GNG7: variants seen among roughly 807,000 people sequenced by gnomAD.
GNG7 encodes G protein subunit gamma 7, also known as guanine nucleotide-binding protein G(I)/G(S)/G(O) subunit gamma-7.
GNG7 carries 1 observed loss-of-function variant against 4.0 expected under a neutral mutation model. The observed-to-expected ratio is 0.25, with a 90% CI of 0.09 to 1.18. The LOEUF is 1.18. GNG7 is among the 50% of genes most tolerant of loss of function. The probability of loss-of-function intolerance (pLI) is 0.50; values close to 1 mark genes in which losing one functional copy is unlikely to be tolerated. For synonymous variants in GNG7, 34 were observed against 36.9 expected, an observed-to-expected ratio of 0.92 and a Z score of 0.29; for missense variants, 86 against 91.9, an observed-to-expected ratio of 0.94 and a Z score of 0.26.
intron 2 of GNG7, chr19:2,643,759 C>G: frequency 2.5e-6 from 1 of 406,432 alleles, no homozygotes; most frequent in Non-Finnish European, 4.9e-6. Context: ...AATCTTCAAG[C>G]GCACATGGTT....
chr19:2,666,369 C>T lies in GNG7; in HGVS notation c.-134-20089G>A, dbSNP rs576366407. ...TGTATTTTTAGTAGAGATGGGGTTT[C>T]GCCATGTCGGCCAGGCTGGTCTTAA... On this transcript the variant is annotated intron_variant, in intron 1 of 4. Transcript: ENST00000382159. Among the ~76,000 whole-genome samples, 295 of 152,172 alleles carry T rather than the reference C, an allele frequency of 1.9e-3. 1 individual carries two copies. Among genetic ancestry groups the T allele is most frequent in the Non-Finnish European group, 3.7e-3 (252 of 67,986 alleles).
intron 1 of GNG7, among the ~76,000 whole-genome samples, chr19:2,656,729 C>T (rs1982985522): frequency 6.6e-6 from 1 of 152,144 alleles, no homozygotes; most frequent in South Asian, 2.1e-4. Context: ...ACTTACATAT[C>T]ATCCATGGCT....
At chr19:2,552,873 C>G (rs562147455) in intron 3 of GNG7, among the ~76,000 whole-genome samples, 1 of 142,106 alleles carries the variant, frequency 7.0e-6, no homozygotes, top group African/African-American at 2.6e-5. Flanking sequence ...TCCCCACTGT[C>G]TGTGGAAAAA....
chr19:2,671,053 T>C (rs1983439775), intron 1 of GNG7, among the ~76,000 whole-genome samples: 1 of 151,410 alleles, frequency 6.6e-6, no homozygotes, highest in South Asian at 2.1e-4. Flanking sequence ...TCGATATTTT[T>C]CCAAATAATT....
intron 3 of GNG7, among the ~76,000 whole-genome samples, chr19:2,542,881 CTTT>C (rs60152060): frequency 8.5e-6 from 1 of 118,340 alleles, no homozygotes. Context: ...TGCTGTTTTC[CTTT>C]TTTTTTTTTT....
At chr19:2,692,345 G>T (rs909520741) in intron 1 of GNG7, among the ~76,000 whole-genome samples, 1 of 151,942 alleles carries the variant, frequency 6.6e-6, no homozygotes, top group Admixed American at 6.6e-5. Flanking sequence ...TTTTAAGAAG[G>T]CCAGGGGAGG....
intron 2 of GNG7, among the ~76,000 whole-genome samples, chr19:2,559,065 G>A (rs1979656268): frequency 6.6e-6 from 1 of 151,982 alleles, no homozygotes; most frequent in Non-Finnish European, 1.5e-5. Context: ...CCCCCAAAGT[G>A]CTGGGATTAT....
intron 1 of GNG7, among the ~76,000 whole-genome samples, chr19:2,661,320 G>GAAAGAAAT (rs1983166612): frequency 7.3e-6 from 1 of 137,672 alleles, no homozygotes; most frequent in Non-Finnish European, 1.6e-5. Flanking sequence ...AAGAAAGAAA[G>GAAAGAAAT]AAAGAAAGAA....
chr19:2,638,562 G>C (rs74370076), intron 2 of GNG7, among the ~76,000 whole-genome samples: 3,326 of 120,556 alleles, frequency 0.028, 149 homozygotes, highest in African/African-American at 0.078. Context: ...GGGGAGGGGA[G>C]GGGAAGGGAA....
intron 1 of GNG7, among the ~76,000 whole-genome samples, chr19:2,663,304 C>T (rs1486430998): frequency 7.9e-5 from 12 of 151,904 alleles, no homozygotes; most frequent in Non-Finnish European, 1.5e-4. Flanking sequence ...CTCATTAATG[C>T]CATCTCTCTT....
intron 2 of GNG7, among the ~76,000 whole-genome samples, chr19:2,563,173 C>T (rs1979799375): frequency 6.6e-6 from 1 of 152,118 alleles, no homozygotes; most frequent in African/African-American, 2.4e-5. Flanking sequence ...TGGTCTCGAT[C>T]TCCTGACCTC....
chr19:2,673,900 A>G (rs1206595445), intron 1 of GNG7, among the ~76,000 whole-genome samples: 1 of 152,146 alleles, frequency 6.6e-6, no homozygotes, highest in African/African-American at 2.4e-5. Flanking sequence ...CTTAGGATAC[A>G]TTTGTGATAA....
At chr19:2,687,282 G>A (rs993037255) in intron 1 of GNG7, among the ~76,000 whole-genome samples, 4 of 151,976 alleles carry the variant, frequency 2.6e-5, no homozygotes, top group Non-Finnish European at 5.9e-5. Flanking sequence ...CTGGTCTCAA[G>A]CTCCTGGGCT....
chr19:2,578,475 G>A (rs2144788618), intron 2 of GNG7, among the ~76,000 whole-genome samples: 1 of 152,294 alleles, frequency 6.6e-6, no homozygotes, highest in South Asian at 2.1e-4. Flanking sequence ...AGAAAACGGT[G>A]CTCCAGCCAC....
rs547343556 is a variant in GNG7 at position 2,663,956 on chromosome 19, C to T, written c.-134-17676G>A. ...CCAGGCCAGGAGCACCCCCAAGTCA[C>T]GGTACCCACAAATGTCCCCAGACAT... On this transcript the variant is annotated intron_variant, in intron 1 of 4. Transcript: ENST00000382159. Among the ~76,000 whole-genome samples the T allele has an allele frequency of 5.3e-5, 8 of 152,292 alleles. No homozygotes were observed. In the East Asian group the frequency reaches 5.8e-4, roughly 11 times the overall value.
chr19:2,657,919 T>C (rs866016227), intron 1 of GNG7, among the ~76,000 whole-genome samples: 3 of 151,838 alleles, frequency 2.0e-5, no homozygotes, highest in Middle Eastern at 3.4e-3. Context: ...CTCTCTCTCT[T>C]TGCCTCGGCT....
chr19:2,532,886 C>T (rs1978639013), intron 3 of GNG7, among the ~76,000 whole-genome samples: 1 of 152,124 alleles, frequency 6.6e-6, no homozygotes, highest in Admixed American at 6.6e-5. Flanking sequence ...AATGGCTTAG[C>T]AGTTTCTTAT....
chr19:2,575,803 A>G (rs1980309240), intron 2 of GNG7, among the ~76,000 whole-genome samples: 1 of 125,096 alleles, frequency 8.0e-6, no homozygotes, highest in Non-Finnish European at 1.6e-5. Context: ...GCACACACAG[A>G]CATGCAGACA....
At chr19:2,666,641 G>A (rs1265041418) in intron 1 of GNG7, among the ~76,000 whole-genome samples, 1 of 152,190 alleles carries the variant, frequency 6.6e-6, no homozygotes, top group Non-Finnish European at 1.5e-5. Flanking sequence ...CTAGACCAGA[G>A]CACAGCAAAG....
Sources: gnomAD v4.1 joint callset for allele counts (sites outside exome capture counted in the v4.1 genomes callset) on GRCh38, gnomAD v4.1.1 for gene constraint, MANE v1.5 for transcripts, NCBI Gene and HGNC (gene_info 2026-07-23, HGNC 2026-07-21) for gene names.